TOGARAM1: variants seen among roughly 807,000 people sequenced by gnomAD.
The protein encoded by TOGARAM1 is TOG array regulator of axonemal microtubules protein 1.
A neutral mutation model predicts 166.6 loss-of-function variants in TOGARAM1; 100 were observed. The observed-to-expected ratio is 0.60, with a 90% CI of 0.51 to 0.71. The LOEUF is 0.71. Ranked by LOEUF, TOGARAM1 falls within the 30% of genes least tolerant of loss-of-function variation. The pLI is 0.00. For missense variants in TOGARAM1, 2,029 were observed against 2,102.7 expected (o/e 0.96, Z 0.69); for synonymous variants, 758 against 763.8 (o/e 0.99, Z 0.13).
chr14:45,070,074 T>C (rs1464089414), intron 18 of TOGARAM1, among the ~76,000 whole-genome samples: 3 of 151,660 alleles, frequency 2.0e-5, no homozygotes, highest in Non-Finnish European at 4.4e-5. Context: ...CCCAGCTACT[T>C]GGGAGGCTGA....
chr14:44,983,802 AAG>A (rs1228592912), intron 1 of TOGARAM1, among the ~76,000 whole-genome samples: 1 of 152,198 alleles, frequency 6.6e-6, no homozygotes, highest in Non-Finnish European at 1.5e-5. Context: ...GTGATGCATG[AAG>A]AGTTTTAAAA....
rs146425772 is a variant in TOGARAM1 at position 44,964,437 on chromosome 14, C to T, written c.2016C>T (p.Asn672=). The change falls in exon 1 of 20, where the codon AAC becomes AAT. Residue 672 remains asparagine, a synonymous_variant. Transcript: ENST00000361462. ...AGCAACCTGGAATCATGGGAGAAAA[C>T]CAGACCTCCACTTCCAAGGATATAG... is the stretch of plus-strand genomic sequence containing the variant. ...ENEQPGIMGE[N]QTSTSKDIEQ... The T allele has an allele frequency of 2.0e-3, 3,135 of 1,596,658 alleles. 12 individuals carry two copies. Among genetic ancestry groups the T allele is most frequent in the Non-Finnish European group, 1.9e-3 (2,169 of 1,170,712 alleles).
At chr14:44,996,188 G>A (rs953027532) in intron 2 of TOGARAM1, 2 of 188,864 alleles carry the variant, frequency 1.1e-5, no homozygotes, top group African/African-American at 4.6e-5. Flanking sequence ...GCCTAATAGA[G>A]CTTGCATTCT....
intron 5 of TOGARAM1, 86 bp from the exon 6 acceptor site, chr14:45,008,827 A>G: frequency 9.8e-7 from 1 of 1,019,248 alleles, no homozygotes; most frequent in South Asian, 1.6e-5. Flanking sequence ...AGCTAGGTAT[A>G]GCTAATGGAG....
intron 10 of TOGARAM1, 81 bp downstream of exon 10, chr14:45,028,410 T>C: frequency 2.2e-6 from 3 of 1,375,646 alleles, no homozygotes. Flanking sequence ...CTGAGGGTAA[T>C]ATATGACTAA....
At chr14:45,020,126 A>G (rs978539370) in intron 7 of TOGARAM1, among the ~76,000 whole-genome samples, 1 of 152,168 alleles carries the variant, frequency 6.6e-6, no homozygotes, top group African/African-American at 2.4e-5. Flanking sequence ...TAACAATATT[A>G]TAGCTGCTAG....
chr14:45,046,438 A>G, intron 13 of TOGARAM1, 107 bp from the exon 14 acceptor site: 1 of 1,071,370 alleles, frequency 9.3e-7, no homozygotes, highest in Non-Finnish European at 1.2e-6. Context: ...CCTGTCCCAA[A>G]AAACAAAACC....
chr14:44,963,874 A>C lies in TOGARAM1; in HGVS notation c.1453A>C (p.Arg485=). ...LLEHLKHKHS[R]VREEVVNICI... The stretch of plus-strand genomic sequence containing the variant: ...GGAACATCTCAAACATAAGCATTCC[A>C]GAGTGAGAGAGGAGGTGGTGAACAT... The change falls in exon 1 of 20, where the codon AGA becomes CGA. Residue 485 remains arginine, a synonymous_variant. Transcript: ENST00000361462. 2.5e-6 allele frequency: 4 copies of C among 1,614,080 alleles called. No homozygotes were observed. The highest frequency in any genetic ancestry group is 3.4e-6 in the Non-Finnish European group (4 of 1,179,924).
At position 45,068,475 on chromosome 14, in the gene TOGARAM1, C is replaced by A. The variant is rs986329044; in HGVS notation, c.4801C>A (p.Leu1601Met). Reference sequence around the variant, plus strand: ...TCATGATTCTAATAGTAAAGTAAATCTGGTGGCTCTGGAAACAATGCACAA... The same window carrying A: ...TCATGATTCTAATAGTAAAGTAAATATGGTGGCTCTGGAAACAATGCACAA... ...RLHDSNSKVN[L>M]VALETMHKMI... The change falls in exon 18 of 20, where the codon CTG (leucine) becomes ATG (methionine). Residue 1601 changes from leucine (L) to methionine (M), a missense_variant. Leu to Met is a conservative substitution (Grantham distance 15). Around this residue, in one of 2 missense-constraint regions of TOGARAM1, gnomAD observed 576 missense variants for 670.5 expected, o/e 0.86. Coordinates refer to ENST00000361462, the MANE Select transcript of TOGARAM1 (RefSeq NM_001308120.2). 1 of 1,612,732 alleles carries A rather than the reference C, an allele frequency of 6.2e-7. No individual in the cohort carries two copies. Among genetic ancestry groups the A allele is most frequent in the African/African-American group, 1.3e-5 (1 of 74,994 alleles).
chr14:45,032,602 A>G (rs1436022215), intron 11 of TOGARAM1, among the ~76,000 whole-genome samples: 1 of 152,212 alleles, frequency 6.6e-6, no homozygotes, highest in Non-Finnish European at 1.5e-5. Context: ...CATATAATTT[A>G]GCTTTATAAT....
chr14:44,983,319 A>T (rs1178959173), intron 1 of TOGARAM1, among the ~76,000 whole-genome samples: 1 of 152,232 alleles, frequency 6.6e-6, no homozygotes, highest in Non-Finnish European at 1.5e-5. Context: ...AAGATGACTT[A>T]AAATATTAAA....
intron 17 of TOGARAM1, 28 bp downstream of exon 17, chr14:45,066,795 T>C (rs755528404): frequency 4.4e-6 from 7 of 1,591,820 alleles, no homozygotes; most frequent in Non-Finnish European, 6.0e-6. Context: ...TTAATTTTAA[T>C]GTGGGTATGG....
chr14:45,029,291 C>T (rs1463186038), intron 10 of TOGARAM1, among the ~76,000 whole-genome samples: 1 of 152,122 alleles, frequency 6.6e-6, no homozygotes, highest in Non-Finnish European at 1.5e-5. Flanking sequence ...ACGAAACTTC[C>T]TACCTAACTT....
chr14:44,992,746 T>C (rs1887212934), intron 1 of TOGARAM1, among the ~76,000 whole-genome samples: 1 of 150,130 alleles, frequency 6.7e-6, no homozygotes, highest in African/African-American at 2.5e-5. Context: ...GCCTCCCGAG[T>C]AGCTGGGACT....
At chr14:44,969,173 T>TTTCTTTTCTTTCTTTTC (rs544693959) in intron 1 of TOGARAM1, among the ~76,000 whole-genome samples, 5 of 131,224 alleles carry the variant, frequency 3.8e-5, no homozygotes, top group African/African-American at 6.2e-5. Context: ...CTTTCTTTTC[T>TTTCTTTTCTTTCTTTTC]TTTTTTTTTT....
intron 11 of TOGARAM1, among the ~76,000 whole-genome samples, chr14:45,036,906 G>A (rs1182992658): frequency 6.6e-6 from 1 of 152,206 alleles, no homozygotes; most frequent in Non-Finnish European, 1.5e-5. Context: ...GACTGGGGAG[G>A]CCTCAGAATC....
intron 5 of TOGARAM1, chr14:45,007,467 A>T (rs1167814018): frequency 6.6e-6 from 1 of 152,078 alleles, no homozygotes; most frequent in Non-Finnish European, 1.5e-5. Context: ...TTGTTTTTAT[A>T]ATAACTTAAA....
At chr14:45,047,713 G>A (rs1882144558) in intron 14 of TOGARAM1, among the ~76,000 whole-genome samples, 1 of 152,068 alleles carries the variant, frequency 6.6e-6, no homozygotes, top group Non-Finnish European at 1.5e-5. Flanking sequence ...ATTAGGAAGG[G>A]TGGACTAGGT....
Position 44,978,307 on chromosome 14 carries a change from A to G in TOGARAM1, c.2046+13840A>G, listed in dbSNP as rs895341299. 5 of 152,206 alleles carry G rather than the reference A, an allele frequency of 3.3e-5. 1 individual carries two copies. Among genetic ancestry groups the G allele is most frequent in the South Asian group, 4.1e-4 (2 of 4,832 alleles). 9.4% of individuals were successfully genotyped at this position (152,206 alleles called of 1,614,324 possible). The stretch of plus-strand genomic sequence containing the variant: ...TTACAAAGGACAGTTGGCTGTTTGG[A>G]AAAAGAAAAAAAAATGTTTAGCTGA... On this transcript the variant is annotated intron_variant, in intron 1 of 19. Transcript: ENST00000361462.
Sources: gnomAD v4.1 joint callset for allele counts (sites outside exome capture counted in the v4.1 genomes callset) on GRCh38, gnomAD v4.1.1 for gene constraint, gnomAD v4.1.1 regional missense constraint, MANE v1.5 for transcripts, NCBI Gene and HGNC (gene_info 2026-07-23, HGNC 2026-07-21) for gene names.